RTKN2: variants seen among roughly 807,000 people sequenced by gnomAD.
RTKN2 encodes the protein rhotekin-2.
In RTKN2, 69 loss-of-function variants were observed where a neutral mutation model predicts 71.5. That is an observed-to-expected ratio of 0.96 (90% CI 0.79 to 1.18). RTKN2 has a LOEUF of 1.18. Ranked by LOEUF, RTKN2 falls within the 50% of genes most tolerant of loss-of-function variation. The pLI, the probability that RTKN2 is intolerant of heterozygous loss-of-function variation, is 0.00. For missense variants in RTKN2, 724 were observed against 719.7 expected (o/e 1.01, Z -0.07); for synonymous variants, 236 against 236.5 (o/e 1.00, Z 0.02).
At chr10:62,217,387 T>C (rs1841796858) in intron 8 of RTKN2, 138 bp from the exon 9 acceptor site, 2 of 633,282 alleles carry the variant, frequency 3.2e-6, no homozygotes, top group Non-Finnish European at 4.9e-6. Context: ...TAATTTGATA[T>C]ACAAAAGGTT....
chr10:62,241,075 T>C, intron 4 of RTKN2, 67 bp downstream of exon 4: 1 of 835,280 alleles, frequency 1.2e-6, no homozygotes, highest in Non-Finnish European at 1.9e-6. Context: ...GCAGTCTTTT[T>C]TCTCAATAAT....
At chr10:62,233,749 G>C (rs1842199375) in intron 6 of RTKN2, among the ~76,000 whole-genome samples, 1 of 152,102 alleles carries the variant, frequency 6.6e-6, no homozygotes, top group African/African-American at 2.4e-5. Flanking sequence ...AAGACACTAT[G>C]CTAGAGTGCC....
chr10:62,240,477 T>C (rs1026913808), intron 4 of RTKN2, among the ~76,000 whole-genome samples: 33 of 152,188 alleles, frequency 2.2e-4, no homozygotes, highest in East Asian at 1.9e-4. Context: ...TATTTCCTAA[T>C]TGAATAATAA....
chr10:62,186,841 T>C (rs1841143960), intron 8 of RTKN2, among the ~76,000 whole-genome samples: 1 of 152,214 alleles, frequency 6.6e-6, no homozygotes, highest in African/African-American at 2.4e-5. Context: ...AGCAGAGTCC[T>C]GTATATGATG....
At chr10:62,236,715 T>C (rs1351781326) in intron 5 of RTKN2, among the ~76,000 whole-genome samples, 1 of 151,988 alleles carries the variant, frequency 6.6e-6, no homozygotes, top group South Asian at 2.1e-4. Flanking sequence ...CCAAGGTATG[T>C]CCATCAATGG....
chr10:62,238,515 A>G (rs1211235552), intron 5 of RTKN2: 2 of 151,212 alleles, frequency 1.3e-5, no homozygotes, highest in Non-Finnish European at 3.0e-5. Flanking sequence ...ATTTTGGCAG[A>G]AAAAAAAGTT....
chr10:62,267,693 T>A (rs1842891451), intron 1 of RTKN2, among the ~76,000 whole-genome samples: 1 of 152,216 alleles, frequency 6.6e-6, no homozygotes, highest in African/African-American at 2.4e-5. Context: ...TCCATATGAA[T>A]GAAATTGCAA....
chr10:62,255,119 G>C (rs1372844228), intron 2 of RTKN2, among the ~76,000 whole-genome samples: 2 of 152,106 alleles, frequency 1.3e-5, no homozygotes, highest in Non-Finnish European at 2.9e-5. Flanking sequence ...CATAATTTCT[G>C]TATGTTAAAA....
chr10:62,256,246 C>T (rs1842673055), intron 2 of RTKN2, among the ~76,000 whole-genome samples: 1 of 152,086 alleles, frequency 6.6e-6, no homozygotes, highest in Non-Finnish European at 1.5e-5. Context: ...TGGTCTTGAA[C>T]TCCTGGGCTA....
chr10:62,194,807 A>G lies in RTKN2; in HGVS notation c.*3101T>C. 1 of 985,260 alleles carries G rather than the reference A, an allele frequency of 1.0e-6. No individual in the cohort carries two copies. Among genetic ancestry groups the G allele is most frequent in the Non-Finnish European group, 1.2e-6 (1 of 829,770 alleles). 61.0% of individuals were successfully genotyped at this position (985,260 alleles called of 1,614,324 possible). On this transcript the variant is annotated 3_prime_UTR_variant, in exon 12 of 12. Coordinates refer to ENST00000373789, the MANE Select transcript of RTKN2 (RefSeq NM_145307.4). The stretch of plus-strand genomic sequence containing the variant: ...ATTCAAGACAGCTTCCATTTTTAAT[A>G]AATAGTAGCAGGTAAAATGCATTTA...
At chr10:62,218,163 C>T (rs755155012) in intron 8 of RTKN2, 32 bp downstream of exon 8, 30 of 1,334,076 alleles carry the variant, frequency 2.2e-5, no homozygotes, top group Non-Finnish European at 2.8e-5. Context: ...AGTAGAGCTA[C>T]AATTGTTGTA....
At position 62,236,051 on chromosome 10, in the gene RTKN2, G is replaced by A. The variant is rs781412403; in HGVS notation, c.686+15C>T. 9 of 1,523,712 alleles carry A rather than the reference G, an allele frequency of 5.9e-6. No individual in the cohort carries two copies. Among genetic ancestry groups the A allele is most frequent in the Non-Finnish European group, 8.2e-6 (9 of 1,099,774 alleles). The allele number at this position is 1,523,712 out of a possible 1,614,324, so 94.4% of individuals were successfully genotyped here. A position where few individuals can be genotyped will look rare whatever the true frequency, so the allele number is the denominator to read the frequency against. On this transcript the variant is annotated intron_variant, in intron 6 of 11. Coordinates refer to ENST00000373789, the MANE Select transcript of RTKN2 (RefSeq NM_145307.4). ...GTATAATTATGTCACCATAAATACAGTATTAAAAACTTACAAAACAGCAGA... is the reference window on the plus strand; with the variant it reads ...GTATAATTATGTCACCATAAATACAATATTAAAAACTTACAAAACAGCAGA...
intron 9 of RTKN2, among the ~76,000 whole-genome samples, chr10:62,209,932 G>C (rs1209695172): frequency 1.3e-5 from 2 of 152,134 alleles, no homozygotes; most frequent in South Asian, 4.1e-4. Context: ...AAATATGTGT[G>C]CATGTGTCTT....
intron 2 of RTKN2, among the ~76,000 whole-genome samples, chr10:62,255,296 C>T (rs1842654452): frequency 2.0e-5 from 3 of 152,192 alleles, no homozygotes; most frequent in East Asian, 1.9e-4. Context: ...CCCCAGGAAC[C>T]GTGAGCATAC....
intron 1 of RTKN2, among the ~76,000 whole-genome samples, chr10:62,265,518 C>T (rs1016548465): frequency 6.6e-6 from 1 of 151,766 alleles, no homozygotes; most frequent in Non-Finnish European, 1.5e-5. Flanking sequence ...AGAAGGCTAA[C>T]ATAAGCAGGA....
intron 10 of RTKN2, among the ~76,000 whole-genome samples, chr10:62,200,748 C>T (rs1841425367): frequency 1.3e-5 from 2 of 151,912 alleles, no homozygotes. Flanking sequence ...TCTAGAAAAA[C>T]ACTGTATTTT....
chr10:62,217,556 G>T (rs1019810390), intron 8 of RTKN2, among the ~76,000 whole-genome samples: 1 of 152,084 alleles, frequency 6.6e-6, no homozygotes, highest in Admixed American at 6.6e-5. Context: ...TTAAAAATTA[G>T]TGCTTAGAAT....
rs758598635 is a variant in RTKN2, at chr10:62,223,212, A to G, written c.781+26T>C. ...TAGAAATATAGACAGAATATATGTA[A>G]TAAGTAAAATATATACTGTACTTAC... On this transcript the variant is annotated intron_variant, in intron 7 of 11. Coordinates refer to ENST00000373789, the MANE Select transcript of RTKN2 (RefSeq NM_145307.4). 19 of 1,285,226 alleles carry G rather than the reference A, an allele frequency of 1.5e-5. No homozygotes were observed. In the South Asian group the frequency reaches 2.1e-4, roughly 14 times the overall value. 79.6% of individuals were successfully genotyped at this position (1,285,226 alleles called of 1,614,324 possible). A position where few individuals can be genotyped will look rare whatever the true frequency, so the allele number is the denominator to read the frequency against.
intron 3 of RTKN2, among the ~76,000 whole-genome samples, chr10:62,244,992 C>T (rs1842450474): frequency 6.6e-6 from 1 of 152,106 alleles, no homozygotes; most frequent in Non-Finnish European, 1.5e-5. Flanking sequence ...AGACTTTTAG[C>T]CAATAACCTA....
Sources: allele counts gnomAD v4.1 joint callset (sites outside exome capture counted in the v4.1 genomes callset), GRCh38; gene constraint gnomAD v4.1.1; transcripts MANE v1.5; gene names NCBI Gene and HGNC (gene_info 2026-07-23, HGNC 2026-07-21).